The following ZFAND6 variants were observed in gnomAD, a reference collection of about 807,000 sequenced individuals.
ZFAND6 encodes the protein AN1-type zinc finger protein 6.
A neutral mutation model predicts 24.5 loss-of-function variants in ZFAND6; 12 were observed. That is an observed-to-expected ratio of 0.49 (90% CI 0.31 to 0.79). ZFAND6 has a LOEUF of 0.79. ZFAND6 is among the 30% of genes least tolerant of loss of function. The pLI, the probability that ZFAND6 is intolerant of heterozygous loss-of-function variation, is 0.04. For synonymous variants in ZFAND6, 92 were observed against 81.5 expected, an observed-to-expected ratio of 1.13 and a Z score of -0.69; for missense variants, 207 against 245.9, an observed-to-expected ratio of 0.84 and a Z score of 1.06.
intron 2 of ZFAND6, among the ~76,000 whole-genome samples, chr15:80,104,900 G>GT (rs1374517732): frequency 6.6e-6 from 1 of 151,986 alleles, no homozygotes; most frequent in Non-Finnish European, 1.5e-5. Context: ...CATTTTTAAA[G>GT]TCACCTAGAA....
chr15:80,131,077 A>G (rs1053445044), intron 5 of ZFAND6, 103 bp from the exon 6 acceptor site: 5 of 836,902 alleles, frequency 6.0e-6, no homozygotes, highest in Non-Finnish European at 7.2e-6. Context: ...CTGTGCTAAT[A>G]AATTCCTCAG....
chr15:80,099,618 C>CTTTTTTT (rs3082079), intron 2 of ZFAND6, among the ~76,000 whole-genome samples: 49,483 of 107,392 alleles, frequency 0.46, 13,759 homozygotes, highest in Non-Finnish European at 0.58. Flanking sequence ...TATGGATATC[C>CTTTTTTT]TTTTTTTTTT....
chr15:80,082,936 A>G (rs1400904638), intron 1 of ZFAND6, among the ~76,000 whole-genome samples: 1 of 152,174 alleles, frequency 6.6e-6, no homozygotes, highest in African/African-American at 2.4e-5. Context: ...GATAGAAAAA[A>G]TGATGGTGGA....
At chr15:80,061,586 G>A (rs551607399) in intron 1 of ZFAND6, among the ~76,000 whole-genome samples, 46 of 152,290 alleles carry the variant, frequency 3.0e-4, no homozygotes, top group Admixed American at 9.2e-4. Flanking sequence ...TGCCGAAACT[G>A]TGTGGCATTT....
intron 2 of ZFAND6, among the ~76,000 whole-genome samples, chr15:80,100,392 C>T (rs1024254148): frequency 1.3e-5 from 2 of 152,126 alleles, no homozygotes; most frequent in African/African-American, 2.4e-5. Context: ...TAGGAGAGAA[C>T]ACACAATAGG....
intron 2 of ZFAND6, among the ~76,000 whole-genome samples, chr15:80,116,014 T>C (rs1288674420): frequency 6.6e-6 from 1 of 152,112 alleles, no homozygotes; most frequent in Non-Finnish European, 1.5e-5. Flanking sequence ...TAATAAGCAG[T>C]ATAGCATAGT....
At chr15:80,131,092 C>A in intron 5 of ZFAND6, 88 bp from the exon 6 acceptor site, 1 of 982,504 alleles carries the variant, frequency 1.0e-6, no homozygotes, top group Non-Finnish European at 1.5e-6. Flanking sequence ...CCTCAGTATC[C>A]TCTGAATAAT....
chr15:80,103,297 T>C (rs967570569), intron 2 of ZFAND6, among the ~76,000 whole-genome samples: 2 of 152,214 alleles, frequency 1.3e-5, no homozygotes, highest in Non-Finnish European at 2.9e-5. Flanking sequence ...GCCTAGTACA[T>C]AATAGTGAGT....
At chr15:80,095,375 ATACT>A (rs925068710) in intron 1 of ZFAND6, among the ~76,000 whole-genome samples, 1 of 152,204 alleles carries the variant, frequency 6.6e-6, no homozygotes, top group African/African-American at 2.4e-5. Context: ...CTTATCAGTG[ATACT>A]TACTTAGATC....
intron 5 of ZFAND6, among the ~76,000 whole-genome samples, chr15:80,124,613 A>G (rs2040295599): frequency 6.6e-6 from 1 of 152,248 alleles, no homozygotes; most frequent in Non-Finnish European, 1.5e-5. Context: ...TTTGTGGTGT[A>G]TGGAAAACAA....
Position 80,065,156 on chromosome 15 carries a change from C to T in ZFAND6, c.-181+5347C>T, listed in dbSNP as rs562017122. Among the ~76,000 whole-genome samples, 5 of 151,816 alleles carry T rather than the reference C, an allele frequency of 3.3e-5. No homozygotes were observed. The East Asian group carries it at 7.7e-4, about 23-fold the overall frequency. Reference sequence around the variant, plus strand: ...GTTAAGTTTTCTTCTAGTTCTTTTACGGTTTCATATTTCACATCTGTCTTT... The same window carrying T: ...GTTAAGTTTTCTTCTAGTTCTTTTATGGTTTCATATTTCACATCTGTCTTT... On this transcript the variant is annotated intron_variant, in intron 1 of 6. Coordinates refer to ENST00000261749, the MANE Select transcript of ZFAND6 (RefSeq NM_019006.4).
At chr15:80,127,267 T>A (rs531840241) in intron 5 of ZFAND6, among the ~76,000 whole-genome samples, 2 of 151,890 alleles carry the variant, frequency 1.3e-5, no homozygotes, top group Admixed American at 1.3e-4. Flanking sequence ...AGAAAAGATA[T>A]ACAAGTTTCC....
At chr15:80,079,057 G>T (rs2037470555) in intron 1 of ZFAND6, among the ~76,000 whole-genome samples, 1 of 126,202 alleles carries the variant, frequency 7.9e-6, no homozygotes. Context: ...CCCCACAACA[G>T]TCCCCAGAGT....
At chr15:80,094,435 G>C (rs1338398985) in intron 1 of ZFAND6, among the ~76,000 whole-genome samples, 1 of 152,120 alleles carries the variant, frequency 6.6e-6, no homozygotes, top group Non-Finnish European at 1.5e-5. Flanking sequence ...GATCTGAGGT[G>C]GAACAGTTTC....
At chr15:80,098,904 TG>T (rs2038882946) in intron 2 of ZFAND6, among the ~76,000 whole-genome samples, 2 of 152,104 alleles carry the variant, frequency 1.3e-5, no homozygotes, top group Admixed American at 6.5e-5. Flanking sequence ...TATTTTGCAT[TG>T]ATTTCAGCCA....
rs2040939949 is a variant in ZFAND6 at position 80,138,077 on chromosome 15, T to C, written c.*449T>C. On this transcript the variant is annotated 3_prime_UTR_variant, in exon 7 of 7. Transcript: ENST00000261749. ...CTGAATGTATCTTAATCATTATGGC[T>C]GCTTCTGTTTTTTCATTAACAAAGG... 1 of 153,138 alleles carries C rather than the reference T, an allele frequency of 6.5e-6. No individual in the cohort carries two copies. The highest frequency in any genetic ancestry group is 1.5e-5 in the Non-Finnish European group (1 of 68,356). 9.5% of individuals were successfully genotyped at this position (153,138 alleles called of 1,614,324 possible). A position where few individuals can be genotyped will look rare whatever the true frequency, so the allele number is the denominator to read the frequency against.
At chr15:80,127,797 C>T (rs1348030018) in intron 5 of ZFAND6, among the ~76,000 whole-genome samples, 1 of 152,030 alleles carries the variant, frequency 6.6e-6, no homozygotes, top group Admixed American at 6.6e-5. Flanking sequence ...CCTAGCTCCA[C>T]AAAAAATTAA....
At chr15:80,105,746 A>G (rs1221488860) in intron 2 of ZFAND6, among the ~76,000 whole-genome samples, 2 of 152,218 alleles carry the variant, frequency 1.3e-5, no homozygotes, top group African/African-American at 4.8e-5. Flanking sequence ...CCCTGTATAT[A>G]TAACAGTTGT....
At chr15:80,093,938 C>A (rs1310242281) in intron 1 of ZFAND6, among the ~76,000 whole-genome samples, 2 of 152,076 alleles carry the variant, frequency 1.3e-5, no homozygotes, top group African/African-American at 2.4e-5. Flanking sequence ...GTGAGTCATA[C>A]CTTATCATCA....
Sources: gnomAD v4.1 joint callset for allele counts (sites outside exome capture counted in the v4.1 genomes callset) on GRCh38, gnomAD v4.1.1 for gene constraint, MANE v1.5 for transcripts, NCBI Gene and HGNC (gene_info 2026-07-23, HGNC 2026-07-21) for gene names.